The following FRMPD4 variants were observed in gnomAD, a reference collection of about 807,000 sequenced individuals.
The protein encoded by FRMPD4 is FERM and PDZ domain containing 4, also known as FERM and PDZ domain-containing protein 4.
Under a neutral mutation model 94.1 loss-of-function variants are expected in FRMPD4, and 22 were observed. That is an observed-to-expected ratio of 0.23 (90% CI 0.17 to 0.33). FRMPD4 has a LOEUF of 0.33. Among genes scored for constraint, FRMPD4 ranks in the 10% least tolerant of loss-of-function variants. The pLI is 1.00. For synonymous variants in FRMPD4, 631 were observed against 548.6 expected, an observed-to-expected ratio of 1.15 and a Z score of -2.10; for missense variants, 1,111 against 1,339.9, an observed-to-expected ratio of 0.83 and a Z score of 2.67.
At chrX:12,308,752 C>T (rs1246622146) in intron 1 of FRMPD4, among the ~76,000 whole-genome samples, 1 of 110,900 alleles carries the variant, frequency 9.0e-6, no homozygotes, top group African/African-American at 3.3e-5. Flanking sequence ...CTTACCAAGG[C>T]AGGGAAGGTG....
At chrX:12,044,073 T>C (rs2054772749) in intron 3 of FRMPD4, among the ~76,000 whole-genome samples, 1 of 111,921 alleles carries the variant, frequency 8.9e-6, no homozygotes, top group African/African-American at 3.2e-5. Context: ...AAAACCTTGT[T>C]TGGGCTGGGG....
At chrX:12,139,628 T>C (rs2055662854) in intron 1 of FRMPD4, among the ~76,000 whole-genome samples, 1 of 110,545 alleles carries the variant, frequency 9.0e-6, no homozygotes, top group South Asian at 3.9e-4. Context: ...GTTAAAACAG[T>C]AGCTAAAACT....
chrX:12,695,059 C>T (rs1475795872), intron 9 of FRMPD4, among the ~76,000 whole-genome samples: 1 of 112,017 alleles, frequency 8.9e-6, no homozygotes, highest in Non-Finnish European at 1.9e-5. Flanking sequence ...TCTTTAATCT[C>T]CTTAAATCTG....
intron 4 of FRMPD4, among the ~76,000 whole-genome samples, chrX:12,621,968 G>GAGAAAGAGAGAA (rs2059295111): frequency 2.4e-5 from 1 of 41,077 alleles, no homozygotes; most frequent in Non-Finnish European, 4.4e-5. Context: ...AAGAAAGAAA[G>GAGAAAGAGAGAA]AGAAAGAAAG....
chrX:11,989,503 T>C (rs1047838542), intron 3 of FRMPD4, among the ~76,000 whole-genome samples: 17 of 102,581 alleles, frequency 1.7e-4, no homozygotes, highest in African/African-American at 5.7e-4. Flanking sequence ...TGGGGGGAAG[T>C]GGGGAAGTGA....
intron 1 of FRMPD4, among the ~76,000 whole-genome samples, chrX:12,412,082 T>C (rs1352728224): frequency 8.9e-6 from 1 of 112,451 alleles, no homozygotes; most frequent in African/African-American, 3.2e-5. Context: ...AATCATGTGA[T>C]GATTCAATGC....
chrX:12,579,487 C>G (rs745494433), intron 2 of FRMPD4, among the ~76,000 whole-genome samples: 6 of 112,088 alleles, frequency 5.4e-5, no homozygotes, highest in Non-Finnish European at 1.1e-4. Flanking sequence ...GGTTTCTGAC[C>G]TTGTCTCTAA....
chrX:12,259,022 T>C (rs2054154292), intron 1 of FRMPD4, among the ~76,000 whole-genome samples: 1 of 112,257 alleles, frequency 8.9e-6, no homozygotes. Context: ...AGATCTTCCA[T>C]GTTCTTTAGA....
chrX:12,366,227 C>T (rs879179041), intron 1 of FRMPD4, among the ~76,000 whole-genome samples: 1 of 111,800 alleles, frequency 8.9e-6, no homozygotes, highest in African/African-American at 3.3e-5. Flanking sequence ...TATGGTCAGC[C>T]TTACAAAGGG....
intron 1 of FRMPD4, among the ~76,000 whole-genome samples, chrX:12,251,264 T>C (rs1254634886): frequency 1.8e-5 from 2 of 111,570 alleles, no homozygotes; most frequent in Non-Finnish European, 3.8e-5. Context: ...ATATGCTTTT[T>C]ACTGTTTCTT....
chrX:12,042,585 T>C (rs1469001727), intron 3 of FRMPD4, among the ~76,000 whole-genome samples: 1 of 111,862 alleles, frequency 8.9e-6, no homozygotes, highest in Non-Finnish European at 1.9e-5. Context: ...GTCAGTGAAT[T>C]TGTGTGTGGG....
intron 3 of FRMPD4, among the ~76,000 whole-genome samples, chrX:12,103,974 G>A (rs569767891): frequency 8.9e-6 from 1 of 111,922 alleles, no homozygotes; most frequent in South Asian, 3.7e-4. Flanking sequence ...TATTTCTCAT[G>A]GTTCTGGAAC....
At chrX:11,843,871 C>G (rs1427043764) in intron 1 of FRMPD4, among the ~76,000 whole-genome samples, 1 of 110,942 alleles carries the variant, frequency 9.0e-6, no homozygotes, top group African/African-American at 3.3e-5. Flanking sequence ...TTCTTATGCT[C>G]TTCATTTCAT....
chrX:12,141,937 A>G (rs1208119718), intron 1 of FRMPD4, among the ~76,000 whole-genome samples: 1 of 112,042 alleles, frequency 8.9e-6, no homozygotes, highest in Non-Finnish European at 1.9e-5. Context: ...AAGCAGATGC[A>G]TTCTTTCAAA....
At chrX:12,616,234 C>T (rs1233426863) in intron 4 of FRMPD4, among the ~76,000 whole-genome samples, 1 of 111,134 alleles carries the variant, frequency 9.0e-6, no homozygotes, top group Non-Finnish European at 1.9e-5. Context: ...GATTAGTATC[C>T]TTATAAAAAG....
At chrX:12,180,901 T>C (rs2056351064) in intron 1 of FRMPD4, among the ~76,000 whole-genome samples, 1 of 112,587 alleles carries the variant, frequency 8.9e-6, no homozygotes, top group Non-Finnish European at 1.9e-5. Context: ...AAGAGTCAGT[T>C]ATTCAAGTTT....
At chrX:12,243,426 C>T (rs1210653801) in intron 1 of FRMPD4, among the ~76,000 whole-genome samples, 1 of 112,410 alleles carries the variant, frequency 8.9e-6, no homozygotes, top group Non-Finnish European at 1.9e-5. Context: ...CTGAAGAGCA[C>T]ATTGAACATT....
intron 3 of FRMPD4, among the ~76,000 whole-genome samples, chrX:12,132,675 G>T (rs1356704991): frequency 9.0e-6 from 1 of 111,209 alleles, no homozygotes; most frequent in African/African-American, 3.3e-5. Flanking sequence ...AGAGTGTGTT[G>T]TCACCTAAGA....
At chrX:12,220,285 G>A (rs978697935) in intron 1 of FRMPD4, among the ~76,000 whole-genome samples, 3 of 112,100 alleles carry the variant, frequency 2.7e-5, no homozygotes, top group African/African-American at 9.7e-5. Context: ...AGCATGTGGT[G>A]CCCAAAGTGG....
Sources: gnomAD v4.1 joint callset for allele counts (sites outside exome capture counted in the v4.1 genomes callset) on GRCh38, gnomAD v4.1.1 for gene constraint, MANE v1.5 for transcripts, NCBI Gene and HGNC (gene_info 2026-07-23, HGNC 2026-07-21) for gene names.